Variants in HMGB1 observed in about 807,000 individuals in gnomAD.
HMGB1 encodes the protein high mobility group protein B1.
For missense variants in HMGB1, 79 were observed against 253.5 expected (o/e 0.31, Z 4.67); for synonymous variants, 81 against 84.0 (o/e 0.96, Z 0.19).
chr13:30,503,625 G>A (rs1327128863), intron 1 of HMGB1, among the ~76,000 whole-genome samples: 1 of 148,646 alleles, frequency 6.7e-6, no homozygotes, highest in Non-Finnish European at 1.5e-5. Context: ...AATTCTGTAG[G>A]GTCACCGATC....
In HMGB1 at chr13:30,501,137, T is replaced by C. The variant is rs139855662; in HGVS notation, c.-14-37443A>G. ...TGTCTGAGTATAATATTCTAATAAA[T>C]GAATTGGATACCCTGAAGAGCCACA... On this transcript the variant is annotated intron_variant, in intron 1 of 4. Coordinates refer to the HMGB1 transcript ENST00000405805. Among the ~76,000 whole-genome samples, 431 of 152,286 alleles carry C rather than the reference T, an allele frequency of 2.8e-3. 1 individual carries two copies. Among genetic ancestry groups the C allele is most frequent in the Non-Finnish European group, 4.5e-3 (308 of 68,018 alleles).
In HMGB1 at chr13:30,614,773, T is replaced by G. The variant is rs1200920546; in HGVS notation, c.-15+1898A>C. Among the ~76,000 whole-genome samples the G allele has an allele frequency of 2.0e-5, 3 of 152,136 alleles. No homozygotes were observed. The East Asian group carries it at 5.8e-4, about 29-fold the overall frequency. ...GTGCAGTGGTGTAATCTCAGCTCAT[T>G]GCAATCTCTGACCCCCGGGGTTCAA... On this transcript the variant is annotated intron_variant, in intron 1 of 4. Transcript: ENST00000405805.
intron 1 of HMGB1, among the ~76,000 whole-genome samples, chr13:30,608,441 T>C (rs2137571929): frequency 6.6e-6 from 1 of 152,348 alleles, no homozygotes; most frequent in Non-Finnish European, 1.5e-5. Flanking sequence ...TGAGTACTGT[T>C]GAGGGCATGA....
chr13:30,583,528 CAAAAAAA>C (rs35519297), intron 1 of HMGB1, among the ~76,000 whole-genome samples: 2 of 66,966 alleles, frequency 3.0e-5, no homozygotes, highest in East Asian at 5.0e-4. Flanking sequence ...ACCTGGTCTC[CAAAAAAA>C]AAAAAAAAAA....
At chr13:30,530,526 G>A (rs922617472) in intron 1 of HMGB1, among the ~76,000 whole-genome samples, 1 of 152,160 alleles carries the variant, frequency 6.6e-6, no homozygotes, top group Non-Finnish European at 1.5e-5. Flanking sequence ...TTCCCCTGTA[G>A]GAATTTATCT....
chr13:30,538,497 TCTTTCTTTCTTTC>T lies in HMGB1; in HGVS notation c.-14-74816_-14-74804del, dbSNP rs1555238748. ...TTCTTTCTTTCTTTCTTTCTTTCTT[TCTTTCTTTCTTTC>T]CTTTCTTTCTTTCCTTTCTTTCTTT... On this transcript the variant is annotated intron_variant, in intron 1 of 4. Transcript: ENST00000405805. Among the ~76,000 whole-genome samples the T allele has an allele frequency of 2.3e-4, 11 of 46,932 alleles. No homozygotes were observed. In the East Asian group the frequency reaches 7.3e-3, roughly 31 times the overall value. 30.8% of individuals were successfully genotyped at this position (46,932 alleles called of 152,430 possible).
intron 1 of HMGB1, among the ~76,000 whole-genome samples, chr13:30,601,045 G>T (rs1950394217): frequency 6.6e-6 from 1 of 152,140 alleles, no homozygotes; most frequent in Non-Finnish European, 1.5e-5. Flanking sequence ...ACTGTGATTT[G>T]TTTCTGCCCC....
rs570736497 is a variant in HMGB1, at chr13:30,514,955, C to A, written c.-14-51261G>T. 2.0e-5 allele frequency among the ~76,000 whole-genome samples: 3 copies of A among 152,278 alleles called. No homozygotes were observed. The East Asian group carries it at 5.8e-4, about 29-fold the overall frequency. Reference sequence around the variant, plus strand: ...ACACAGGCAGAGTAAGTGAGTATGACGAGAGTTGACTCCCATGATTAGGTT... The same window carrying A: ...ACACAGGCAGAGTAAGTGAGTATGAAGAGAGTTGACTCCCATGATTAGGTT... On this transcript the variant is annotated intron_variant, in intron 1 of 4. Coordinates refer to the HMGB1 transcript ENST00000405805.
chr13:30,575,656 G>T (rs1427129363), intron 1 of HMGB1, among the ~76,000 whole-genome samples: 5 of 152,016 alleles, frequency 3.3e-5, no homozygotes, highest in Non-Finnish European at 7.4e-5. Flanking sequence ...CCTGTAATAA[G>T]GTACTGACTT....
intron 1 of HMGB1, chr13:30,543,122 T>A (rs1868977991): frequency 1.0e-5 from 1 of 96,760 alleles, no homozygotes; most frequent in Admixed American, 9.6e-5. Flanking sequence ...TCCAGGTTTT[T>A]TTTTTTTTTT....
At chr13:30,616,188 A>G (rs1027132512) in intron 1 of HMGB1, among the ~76,000 whole-genome samples, 4 of 152,218 alleles carry the variant, frequency 2.6e-5, no homozygotes, top group African/African-American at 9.6e-5. Context: ...TACAAGAGGA[A>G]AAAGCTCTAG....
At chr13:30,463,896 A>G in intron 1 of HMGB1, 1 of 497,214 alleles carries the variant, frequency 2.0e-6, no homozygotes, top group Non-Finnish European at 3.4e-6. Flanking sequence ...CAAAACAAAA[A>G]CAGTCCTTCA....
At chr13:30,527,614 G>A (rs530251037) in intron 1 of HMGB1, among the ~76,000 whole-genome samples, 11 of 152,062 alleles carry the variant, frequency 7.2e-5, no homozygotes, top group Admixed American at 3.3e-4. Context: ...AGAAGGCGCC[G>A]ATACAGTGTG....
upstream of HMGB1, among the ~76,000 whole-genome samples, chr13:30,466,570 C>G (rs779866793): frequency 1.3e-5 from 2 of 152,196 alleles, no homozygotes; most frequent in Admixed American, 6.5e-5. Flanking sequence ...TTTCTGGGCT[C>G]ATAAGCCGTC....
intron 1 of HMGB1, among the ~76,000 whole-genome samples, chr13:30,578,920 C>T (rs947025704): frequency 6.6e-6 from 1 of 152,204 alleles, no homozygotes; most frequent in South Asian, 2.1e-4. Flanking sequence ...TAAGTCACTC[C>T]TTAATGAAGC....
chr13:30,598,763 T>C (rs1241896460), intron 1 of HMGB1, among the ~76,000 whole-genome samples: 1 of 152,204 alleles, frequency 6.6e-6, no homozygotes. Flanking sequence ...CTATTTCAAA[T>C]GCTGGGTTGT....
chr13:30,588,695 T>A (rs1370233912), intron 1 of HMGB1, among the ~76,000 whole-genome samples: 1 of 152,060 alleles, frequency 6.6e-6, no homozygotes, highest in African/African-American at 2.4e-5. Context: ...GGTGGGTAGA[T>A]CACTTGAGGT....
rs1869865069 is a variant in HMGB1 at position 30,559,718 on chromosome 13, A to T, written c.-15+56953T>A. Among the ~76,000 whole-genome samples, 1 of 152,196 alleles carries T rather than the reference A, an allele frequency of 6.6e-6. No homozygotes were observed. Among genetic ancestry groups the T allele is most frequent in the African/African-American group, 2.4e-5 (1 of 41,446 alleles). Reference sequence around the variant, plus strand: ...CATAACTGAACTCAAGATTTACAAAAATGTATTTCAGCCCAAGTCTCTCCA... The same window carrying T: ...CATAACTGAACTCAAGATTTACAAATATGTATTTCAGCCCAAGTCTCTCCA... On this transcript the variant is annotated intron_variant, in intron 1 of 4. Transcript: ENST00000405805. The surrounding 1 kb of genome is among the most constrained non-coding windows in gnomAD (Gnocchi z 6.6).
intron 1 of HMGB1, among the ~76,000 whole-genome samples, chr13:30,535,437 A>G (rs943687077): frequency 2.6e-5 from 4 of 152,232 alleles, no homozygotes. Flanking sequence ...GATGATTGAT[A>G]CTAGTAACTC....
Sources: gnomAD v4.1 joint callset for allele counts (sites outside exome capture counted in the v4.1 genomes callset) on GRCh38, gnomAD v4.1.1 for gene constraint, Gnocchi (gnomAD v3.1) non-coding constraint, MANE v1.5 for transcripts, NCBI Gene and HGNC (gene_info 2026-07-23, HGNC 2026-07-21) for gene names.